Variants in DTX4 observed in about 807,000 individuals in gnomAD.
The protein encoded by DTX4 is deltex E3 ubiquitin ligase 4.
DTX4 carries 28 observed loss-of-function variants against 57.6 expected under a neutral mutation model. The ratio of observed to expected loss-of-function variants is 0.49; its 90% CI spans 0.36 to 0.67. The LOEUF is 0.67. Ranked by LOEUF, DTX4 falls within the 30% of genes least tolerant of loss-of-function variation. The pLI, the probability that DTX4 is intolerant of heterozygous loss-of-function variation, is 0.00. For missense variants in DTX4, 715 were observed against 836.8 expected (o/e 0.85, Z 1.80); for synonymous variants, 316 against 331.0 (o/e 0.95, Z 0.49).
At chr11:59,171,501 A>C (rs1258580226), upstream of DTX4, 1 of 152,246 alleles carries the variant, frequency 6.6e-6, no homozygotes, top group Non-Finnish European at 1.5e-5. Flanking sequence ...AGGTAATATA[A>C]ATCCATCATT....
rs202222554 is a variant in DTX4 at position 59,181,733 on chromosome 11, T to A, written c.212-6T>A. 1.9e-5 allele frequency: 30 copies of A among 1,587,104 alleles called. No individual in the cohort carries two copies. The highest frequency in any genetic ancestry group is 2.5e-5 in the Non-Finnish European group (29 of 1,163,268). On this transcript the variant is annotated splice_region_variant and splice_polypyrimidine_tract_variant and intron_variant, in intron 1 of 8. Transcript: ENST00000227451. ...CTCTGACCTCTCCCCTATCCCACCCTGGCAGGAACTCTCCGCCCAGTTCGC... is the reference window on the plus strand; with the variant it reads ...CTCTGACCTCTCCCCTATCCCACCCAGGCAGGAACTCTCCGCCCAGTTCGC...
chr11:59,186,126 G>A (rs368433288), intron 2 of DTX4, among the ~76,000 whole-genome samples: 8 of 152,114 alleles, frequency 5.3e-5, no homozygotes, highest in African/African-American at 1.4e-4. Flanking sequence ...AAGCCTACCC[G>A]CCATGTCATT....
In DTX4 at chr11:59,181,961, G is replaced by T; in HGVS notation, c.434G>T (p.Arg145Leu). 1.2e-6 allele frequency: 2 copies of T among 1,613,928 alleles called. No homozygotes were observed. The highest frequency in any genetic ancestry group is 1.7e-6 in the Non-Finnish European group (2 of 1,179,862). Reference protein sequence around the residue: ...IDFNTMGQINRQTQRQRRVRR... With the variant: ...IDFNTMGQINLQTQRQRRVRR... ...TTCAACACCATGGGCCAGATCAACC[G>T]TCAGACCCAGCGCCAACGCCGCGTC... The change falls in exon 2 of 9, where the codon CGT becomes CTT. Residue 145 changes from arginine to leucine, a missense_variant. Transcript: ENST00000227451.
At chr11:59,190,634 G>A (rs567359441) in intron 4 of DTX4, among the ~76,000 whole-genome samples, 2 of 152,204 alleles carry the variant, frequency 1.3e-5, no homozygotes, top group African/African-American at 2.4e-5. Flanking sequence ...TCCACAGCCA[G>A]GAAAGATTGT....
Position 59,207,147 on chromosome 11 carries a change from G to T in DTX4, c.*2238G>T. On this transcript the variant is annotated 3_prime_UTR_variant, in exon 9 of 9. Transcript: ENST00000227451. Reference sequence around the variant, plus strand: ...TGCAGAAATAGGCTGAGGGTCCATGGGAAGAAAGACACAATGAGGCAGTAG... The same window carrying T: ...TGCAGAAATAGGCTGAGGGTCCATGTGAAGAAAGACACAATGAGGCAGTAG... 1 of 152,448 alleles carries T rather than the reference G, an allele frequency of 6.6e-6. No homozygotes were observed. The allele number at this position is 152,448 out of a possible 1,614,324, so 9.4% of individuals were successfully genotyped here.
At chr11:59,182,562 T>G in intron 2 of DTX4, 100 bp downstream of exon 2, 4 of 1,414,562 alleles carry the variant, frequency 2.8e-6, no homozygotes, top group Non-Finnish European at 3.7e-6. Flanking sequence ...GACTTAAGCT[T>G]CTCATCTTGT....
chr11:59,191,237 T>C, intron 5 of DTX4, 62 bp downstream of exon 5: 1 of 1,503,996 alleles, frequency 6.6e-7, no homozygotes, highest in Non-Finnish European at 9.1e-7. Flanking sequence ...TTTCCTCTTC[T>C]GCTGTTGGTT....
At chr11:59,199,236 A>C (rs1374031369) in intron 7 of DTX4, among the ~76,000 whole-genome samples, 2 of 152,176 alleles carry the variant, frequency 1.3e-5, no homozygotes, top group Non-Finnish European at 2.9e-5. Flanking sequence ...CAATTTTAGC[A>C]GAGCCACTAA....
intron 8 of DTX4, among the ~76,000 whole-genome samples, chr11:59,202,966 G>A (rs949607283): frequency 6.6e-6 from 1 of 152,194 alleles, no homozygotes; most frequent in African/African-American, 2.4e-5. Context: ...ACTATAAGTA[G>A]TTGTATAATG....
chr11:59,191,954 G>A, intron 5 of DTX4, 144 bp from the exon 6 acceptor site: 1 of 861,580 alleles, frequency 1.2e-6, no homozygotes, highest in Non-Finnish European at 1.7e-6. Flanking sequence ...ACGATATTTA[G>A]ATTCCAGAAA....
intron 1 of DTX4, 145 bp from the exon 2 acceptor site, chr11:59,181,594 C>A: frequency 8.6e-7 from 1 of 1,158,786 alleles, no homozygotes; most frequent in Non-Finnish European, 1.2e-6. Flanking sequence ...TCATTCAAAG[C>A]TGGCACTTCA....
At chr11:59,203,933 C>T (rs2135527762) in intron 8 of DTX4, among the ~76,000 whole-genome samples, 1 of 152,344 alleles carries the variant, frequency 6.6e-6, no homozygotes, top group East Asian at 1.9e-4. Flanking sequence ...CCAGCCCATA[C>T]CATGTTTACA....
intron 1 of DTX4, among the ~76,000 whole-genome samples, chr11:59,177,522 C>T (rs1197736136): frequency 6.6e-6 from 1 of 152,198 alleles, no homozygotes; most frequent in African/African-American, 2.4e-5. Context: ...TTCACTGGCT[C>T]TTCATTGATT....
rs112960759 is a variant in DTX4 at position 59,172,468 on chromosome 11, G to C, written c.-128G>C. ...CCATGGGCCGGAGCTGAGGCTGCCC[G>C]GGGCGGCGGGGCGCGGGGCAGGGGG... On this transcript the variant is annotated 5_prime_UTR_variant, in exon 1 of 9. Coordinates refer to ENST00000227451, the MANE Select transcript of DTX4 (RefSeq NM_015177.2). The C allele has an allele frequency of 2.8e-6, 1 of 354,156 alleles. No homozygotes were observed. Among genetic ancestry groups the C allele is most frequent in the Non-Finnish European group, 4.2e-6 (1 of 236,700 alleles). The allele number at this position is 354,156 out of a possible 1,614,324, so 21.9% of individuals were successfully genotyped here.
In DTX4 at chr11:59,181,725, T is replaced by A. The variant is rs199904268; in HGVS notation, c.212-14T>A. ...CATGCTGACTCTGACCTCTCCCCTA[T>A]CCCACCCTGGCAGGAACTCTCCGCC... On this transcript the variant is annotated splice_polypyrimidine_tract_variant and intron_variant, in intron 1 of 8. Coordinates refer to ENST00000227451, the MANE Select transcript of DTX4 (RefSeq NM_015177.2). 1.9e-5 allele frequency: 30 copies of A among 1,582,616 alleles called. No individual in the cohort carries two copies. Among genetic ancestry groups the A allele is most frequent in the Non-Finnish European group, 2.5e-5 (29 of 1,161,174 alleles).
At chr11:59,185,796 G>A (rs987641951) in intron 2 of DTX4, among the ~76,000 whole-genome samples, 1 of 152,156 alleles carries the variant, frequency 6.6e-6, no homozygotes, top group Non-Finnish European at 1.5e-5. Context: ...ATACTTGGGA[G>A]GTAAAAGCAT....
chr11:59,189,184 T>C lies in DTX4; in HGVS notation c.1020T>C (p.Ser340=), dbSNP rs369515772. 43 of 1,613,528 alleles carry C rather than the reference T, an allele frequency of 2.7e-5. No individual in the cohort carries two copies. Among genetic ancestry groups the C allele is most frequent in the Non-Finnish European group, 1.4e-5 (16 of 1,179,890 alleles). The change falls in exon 4 of 9, where the codon AGT becomes AGC. Residue 340 remains serine, a synonymous_variant. Transcript: ENST00000227451. ...ALAGITGILM[S]AAGLPVCLTR... ...CAGGAATCACTGGGATCCTCATGAG[T>C]GCAGCGGGGCTGCCTGTGTGTCTCA...
At chr11:59,196,241 C>T (rs537934834) in intron 7 of DTX4, among the ~76,000 whole-genome samples, 20 of 152,306 alleles carry the variant, frequency 1.3e-4, no homozygotes, top group East Asian at 1.9e-4. Context: ...GCAAAGTAGA[C>T]GCAATCCTTG....
In DTX4 at chr11:59,189,430, C is replaced by T. The variant is rs1282871688; in HGVS notation, c.1159+107C>T. On this transcript the variant is annotated intron_variant, in intron 4 of 8. Transcript: ENST00000227451. Reference sequence around the variant, plus strand: ...ATAGCCACGGCTTCACCCTCTGTGCCTCAATTTCTGCATCTGTAAGTGGGC... The same window carrying T: ...ATAGCCACGGCTTCACCCTCTGTGCTTCAATTTCTGCATCTGTAAGTGGGC... 9 of 1,158,932 alleles carry T rather than the reference C, an allele frequency of 7.8e-6. No homozygotes were observed. The African/African-American group carries it at 7.8e-5, about 10-fold the overall frequency. 71.8% of individuals were successfully genotyped at this position (1,158,932 alleles called of 1,614,324 possible).
Sources: gnomAD v4.1 joint callset for allele counts (sites outside exome capture counted in the v4.1 genomes callset) on GRCh38, gnomAD v4.1.1 for gene constraint, MANE v1.5 for transcripts, NCBI Gene and HGNC (gene_info 2026-07-23, HGNC 2026-07-21) for gene names.